Variants in LIMCH1 observed in about 807,000 individuals in gnomAD.
LIMCH1 encodes LIM and calponin homology domains 1, also known as LIM and calponin homology domains-containing protein 1.
LIMCH1 carries 113 observed loss-of-function variants against 176.5 expected under a neutral mutation model. The observed-to-expected ratio is 0.64, with a 90% CI of 0.55 to 0.75. LIMCH1 has a LOEUF of 0.75. Ranked by LOEUF, LIMCH1 falls within the 30% of genes least tolerant of loss-of-function variation. The pLI is 0.00. For synonymous variants in LIMCH1, 619 were observed against 645.9 expected (o/e 0.96, Z 0.63); for missense variants, 1,674 against 1,814.9 (o/e 0.92, Z 1.41).
chr4:41,587,427 A>G (rs2086680713), intron 1 of LIMCH1, among the ~76,000 whole-genome samples: 1 of 152,200 alleles, frequency 6.6e-6, no homozygotes, highest in African/African-American at 2.4e-5. Context: ...GTAAGAAGAG[A>G]GTCAGTCCTC....
At chr4:41,648,658 G>GGGGTGTGTGTGT (rs1554153123) in intron 17 of LIMCH1, among the ~76,000 whole-genome samples, 8 of 135,334 alleles carry the variant, frequency 5.9e-5, no homozygotes, top group African/African-American at 2.0e-4. Context: ...AAGGGGTAGG[G>GGGGTGTGTGTGT]GTGTGTGTGT....
At chr4:41,468,682 T>G (rs999825966) in intron 1 of LIMCH1, among the ~76,000 whole-genome samples, 3 of 151,950 alleles carry the variant, frequency 2.0e-5, no homozygotes, top group African/African-American at 7.3e-5. Flanking sequence ...GGGTAAGGCA[T>G]GTAGTCCTGC....
At chr4:41,495,143 G>C (rs1205229502) in intron 2 of LIMCH1, among the ~76,000 whole-genome samples, 1 of 152,144 alleles carries the variant, frequency 6.6e-6, no homozygotes, top group Non-Finnish European at 1.5e-5. Flanking sequence ...AAAGAATTCA[G>C]GGCTCCTGTG....
intron 2 of LIMCH1, among the ~76,000 whole-genome samples, chr4:41,500,867 G>T (rs1030940566): frequency 2.0e-5 from 3 of 152,184 alleles, no homozygotes; most frequent in African/African-American, 7.2e-5. Context: ...TAGGAGGCTG[G>T]GGTCAGTGGA....
chr4:41,587,921 TTC>T (rs1389101724), intron 1 of LIMCH1, among the ~76,000 whole-genome samples: 2 of 152,204 alleles, frequency 1.3e-5, no homozygotes, highest in Non-Finnish European at 2.9e-5. Flanking sequence ...AAACTTTATA[TTC>T]TTTTTTTTAT....
At chr4:41,644,755 A>G (rs2093990740) in intron 15 of LIMCH1, 129 bp downstream of exon 15, 2 of 1,142,322 alleles carry the variant, frequency 1.8e-6, no homozygotes, top group South Asian at 1.7e-5. Flanking sequence ...AAAAGGTGAC[A>G]CGGTAAATGT....
At chr4:41,600,759 G>T (rs1216022656) in intron 2 of LIMCH1, among the ~76,000 whole-genome samples, 2 of 151,968 alleles carry the variant, frequency 1.3e-5, no homozygotes, top group Non-Finnish European at 2.9e-5. Flanking sequence ...GGTCAAGCTT[G>T]CTCAGTGCAG....
intron 7 of LIMCH1, among the ~76,000 whole-genome samples, chr4:41,622,599 A>ATTTCC (rs1561959403): frequency 6.6e-6 from 1 of 152,214 alleles, no homozygotes; most frequent in Non-Finnish European, 1.5e-5. Flanking sequence ...AAGGCTGGGA[A>ATTTCC]GTCCATACAC....
chr4:41,512,385 G>T (rs2075031821), intron 2 of LIMCH1, among the ~76,000 whole-genome samples: 1 of 152,142 alleles, frequency 6.6e-6, no homozygotes, highest in Non-Finnish European at 1.5e-5. Flanking sequence ...ATATGACCCA[G>T]CTGTTATACT....
intron 1 of LIMCH1, among the ~76,000 whole-genome samples, chr4:41,552,904 T>TA (rs1489127801): frequency 6.6e-6 from 1 of 152,220 alleles, no homozygotes; most frequent in African/African-American, 2.4e-5. Context: ...GTTATCTCCT[T>TA]AGGAATTTTA....
intron 1 of LIMCH1, among the ~76,000 whole-genome samples, chr4:41,429,665 C>G (rs776287744): frequency 8.5e-5 from 13 of 152,102 alleles, no homozygotes; most frequent in Non-Finnish European, 1.3e-4. Context: ...CTTGATTTTT[C>G]TTCATTAAAT....
intron 13 of LIMCH1, among the ~76,000 whole-genome samples, chr4:41,636,886 T>C (rs79303941): frequency 0.016 from 2,441 of 152,362 alleles, 26 homozygotes; most frequent in South Asian, 0.049. Context: ...CGCTAATCTA[T>C]GCATATGTTC....
At position 41,377,086 on chromosome 4, in the gene LIMCH1, C is replaced by A. The variant is rs372808349; in HGVS notation, c.96+16150C>A. 2.0e-5 allele frequency among the ~76,000 whole-genome samples: 3 copies of A among 152,134 alleles called. No homozygotes were observed. In the East Asian group the frequency reaches 5.8e-4, roughly 29 times the overall value. On this transcript the variant is annotated intron_variant, in intron 1 of 26. Transcript: ENST00000313860. ...ATGTATGTACAATATTGCAGCATAA[C>A]AAACCACCCCCAAACCCAGTGGCAG...
chr4:41,560,965 C>G (rs1468875113), intron 1 of LIMCH1, among the ~76,000 whole-genome samples: 2 of 151,480 alleles, frequency 1.3e-5, no homozygotes, highest in Non-Finnish European at 2.9e-5. Context: ...TGCCGTGAGC[C>G]ATGATTACAG....
intron 1 of LIMCH1, among the ~76,000 whole-genome samples, chr4:41,420,031 G>A (rs4607257): frequency 3.9e-5 from 6 of 152,246 alleles, no homozygotes; most frequent in African/African-American, 1.4e-4. Context: ...ATGTGATAGA[G>A]GGGCTGATAA....
chr4:41,474,610 A>C (rs2067460190), intron 1 of LIMCH1, among the ~76,000 whole-genome samples: 1 of 152,252 alleles, frequency 6.6e-6, no homozygotes, highest in African/African-American at 2.4e-5. Flanking sequence ...AATGCAAAAT[A>C]AAACCACAAT....
upstream of LIMCH1, among the ~76,000 whole-genome samples, chr4:41,533,533 T>A (rs1275365976): frequency 6.6e-6 from 1 of 152,210 alleles, no homozygotes; most frequent in Non-Finnish European, 1.5e-5. Flanking sequence ...CAAGGACTTT[T>A]TTCTAATTTT....
intron 1 of LIMCH1, among the ~76,000 whole-genome samples, chr4:41,436,659 A>G (rs1202711426): frequency 1.3e-5 from 2 of 152,204 alleles, no homozygotes; most frequent in Non-Finnish European, 2.9e-5. Context: ...GACTGGAGAC[A>G]GAATGCAGAA....
intron 19 of LIMCH1, 97 bp from the exon 20 acceptor site, chr4:41,662,724 G>A (rs2094669608): frequency 1.6e-6 from 2 of 1,283,290 alleles, no homozygotes; most frequent in African/African-American, 2.9e-5. Context: ...GACGGGATAT[G>A]GACTGAATGT....
Sources: gnomAD v4.1 joint callset for allele counts (sites outside exome capture counted in the v4.1 genomes callset) on GRCh38, gnomAD v4.1.1 for gene constraint, MANE v1.5 for transcripts, NCBI Gene and HGNC (gene_info 2026-07-23, HGNC 2026-07-21) for gene names.